SDK1: variants seen among roughly 807,000 people sequenced by gnomAD.
SDK1 encodes sidekick cell adhesion molecule 1.
A neutral mutation model predicts 245.5 loss-of-function variants in SDK1; 157 were observed. That is an observed-to-expected ratio of 0.64 (90% CI 0.56 to 0.73). The LOEUF (loss-of-function observed/expected upper bound fraction) is 0.73, where lower values mean the gene tolerates loss of function less well. Ranked by LOEUF, SDK1 falls within the 30% of genes least tolerant of loss-of-function variation. The pLI is 0.00. For missense variants in SDK1, 3,583 were observed against 3,002.3 expected (o/e 1.19, Z -4.52); for synonymous variants, 1,647 against 1,278.5 (o/e 1.29, Z -6.15).
chr7:3,869,553 G>A (rs1562502681), intron 5 of SDK1, among the ~76,000 whole-genome samples: 1 of 152,184 alleles, frequency 6.6e-6, no homozygotes, highest in Admixed American at 6.5e-5. Context: ...TCCTGCAGCG[G>A]CCACCCTGTG....
At chr7:3,751,611 C>G (rs1199022807) in intron 4 of SDK1, among the ~76,000 whole-genome samples, 3 of 152,146 alleles carry the variant, frequency 2.0e-5, no homozygotes, top group Admixed American at 2.0e-4. Flanking sequence ...TTCTGATAGC[C>G]ACACCGACTT....
intron 4 of SDK1, among the ~76,000 whole-genome samples, chr7:3,683,919 C>T (rs1252525605): frequency 6.6e-6 from 1 of 152,208 alleles, no homozygotes; most frequent in African/African-American, 2.4e-5. Context: ...AATGTGTTGG[C>T]CACTCCTGTC....
chr7:4,241,650 G>A (rs1229525855), intron 42 of SDK1, 143 bp from the exon 43 acceptor site: 2 of 929,558 alleles, frequency 2.2e-6, no homozygotes, highest in Non-Finnish European at 1.6e-6. Context: ...TCAGCCCTAA[G>A]CACAGCTGAA....
At chr7:3,583,456 G>C (rs1184816838) in intron 1 of SDK1, among the ~76,000 whole-genome samples, 1 of 152,098 alleles carries the variant, frequency 6.6e-6, no homozygotes, top group Non-Finnish European at 1.5e-5. Context: ...GTAAACCATC[G>C]CTGGAAATAT....
At chr7:3,323,294 G>A (rs968420859) in intron 1 of SDK1, among the ~76,000 whole-genome samples, 4 of 152,118 alleles carry the variant, frequency 2.6e-5, no homozygotes, top group Admixed American at 6.5e-5. Flanking sequence ...ATGTCTGATG[G>A]GAACCCAATA....
intron 1 of SDK1, among the ~76,000 whole-genome samples, chr7:3,385,550 G>A (rs1024463235): frequency 3.3e-5 from 5 of 151,472 alleles, no homozygotes; most frequent in African/African-American, 4.9e-5. Context: ...CAGACCCATC[G>A]CACCTGCTGG....
At chr7:4,018,364 G>A (rs1222419309) in intron 17 of SDK1, among the ~76,000 whole-genome samples, 1 of 152,142 alleles carries the variant, frequency 6.6e-6, no homozygotes, top group Admixed American at 6.5e-5. Flanking sequence ...TTGACTGGCT[G>A]TCTGTTGTCA....
intron 12 of SDK1, among the ~76,000 whole-genome samples, chr7:3,973,489 A>T (rs138207237): frequency 6.6e-6 from 1 of 152,210 alleles, no homozygotes. Context: ...ATTGCTACAG[A>T]TAGATTAAAT....
intron 9 of SDK1, among the ~76,000 whole-genome samples, chr7:3,964,447 C>G (rs977208459): frequency 6.6e-6 from 1 of 152,136 alleles, no homozygotes; most frequent in East Asian, 1.9e-4. Flanking sequence ...TAATCTTTTT[C>G]TTTTGATCTT....
intron 41 of SDK1, among the ~76,000 whole-genome samples, chr7:4,236,888 A>G (rs1786201070): frequency 6.6e-6 from 1 of 152,082 alleles, no homozygotes; most frequent in Admixed American, 6.6e-5. Flanking sequence ...ACTTTAACCC[A>G]CACAACGTTT....
At chr7:4,090,139 A>G (rs919812314) in intron 22 of SDK1, among the ~76,000 whole-genome samples, 6 of 152,188 alleles carry the variant, frequency 3.9e-5, no homozygotes, top group South Asian at 2.1e-4. Flanking sequence ...TTGTTAGTCC[A>G]GTTATTTTGC....
chr7:3,977,728 A>G lies in SDK1; in HGVS notation c.1994+3183A>G, dbSNP rs537328690. Among the ~76,000 whole-genome samples the G allele has an allele frequency of 6.6e-5, 10 of 152,336 alleles. No individual in the cohort carries two copies. The East Asian group carries it at 1.7e-3, about 26-fold the overall frequency. Reference sequence around the variant, plus strand: ...ACTGATCACGCTGCAGAGGACGACCATATCTTCATGGCTCCCTCTCCTCCT... The same window carrying G: ...ACTGATCACGCTGCAGAGGACGACCGTATCTTCATGGCTCCCTCTCCTCCT... On this transcript the variant is annotated intron_variant, in intron 13 of 44. Transcript: ENST00000404826.
At chr7:4,133,636 GAGCACTGAC>G (rs1166329783) in intron 28 of SDK1, among the ~76,000 whole-genome samples, 1 of 152,168 alleles carries the variant, frequency 6.6e-6, no homozygotes, top group East Asian at 1.9e-4. Context: ...CAGCCTTTGG[GAGCACTGAC>G]AGCTCCAAGG....
At chr7:4,212,220 C>T (rs1045231858) in intron 38 of SDK1, among the ~76,000 whole-genome samples, 17 of 152,088 alleles carry the variant, frequency 1.1e-4, no homozygotes, top group Non-Finnish European at 1.8e-4. Flanking sequence ...TTAGATGAAA[C>T]GGAGTTGATT....
At chr7:3,638,166 A>G (rs1051067045) in intron 2 of SDK1, among the ~76,000 whole-genome samples, 2 of 152,228 alleles carry the variant, frequency 1.3e-5, no homozygotes, top group Non-Finnish European at 2.9e-5. Flanking sequence ...AGTGATGAAT[A>G]AGACAGAAGT....
intron 1 of SDK1, among the ~76,000 whole-genome samples, chr7:3,427,424 C>G (rs1289637808): frequency 6.7e-6 from 1 of 149,556 alleles, no homozygotes; most frequent in African/African-American, 2.5e-5. Flanking sequence ...GAGGCTGGAG[C>G]AGGAGAATCA....
intron 1 of SDK1, among the ~76,000 whole-genome samples, chr7:3,339,979 C>G (rs1032723859): frequency 1.3e-5 from 2 of 151,828 alleles, no homozygotes; most frequent in Non-Finnish European, 2.9e-5. Flanking sequence ...GAATAAGACC[C>G]AAATCAGTGA....
intron 26 of SDK1, 82 bp downstream of exon 26, chr7:4,127,578 G>A (rs945531867): frequency 4.1e-5 from 40 of 986,204 alleles, no homozygotes; most frequent in African/African-American, 1.8e-4. Context: ...CCAAAGCAAC[G>A]AGCTTCCTCT....
At chr7:3,713,892 C>T (rs139643267) in intron 4 of SDK1, among the ~76,000 whole-genome samples, 210 of 152,266 alleles carry the variant, frequency 1.4e-3, no homozygotes, top group African/African-American at 4.9e-3. Context: ...AGTCAGGAAT[C>T]AGCAAATCAG....
Sources: gnomAD v4.1 joint callset for allele counts (sites outside exome capture counted in the v4.1 genomes callset) on GRCh38, gnomAD v4.1.1 for gene constraint, MANE v1.5 for transcripts, NCBI Gene and HGNC (gene_info 2026-07-23, HGNC 2026-07-21) for gene names.